Variants in PIK3C2G observed in about 807,000 individuals in gnomAD.
PIK3C2G encodes phosphatidylinositol 3-kinase C2 domain-containing subunit gamma.
A neutral mutation model predicts 181.1 loss-of-function variants in PIK3C2G; 168 were observed. The ratio of observed to expected loss-of-function variants is 0.93; its 90% CI spans 0.82 to 1.05. The LOEUF (loss-of-function observed/expected upper bound fraction) is 1.05. Ranked by LOEUF, PIK3C2G falls within the 50% of genes least tolerant of loss-of-function variation. The probability of loss-of-function intolerance (pLI) is 0.00; values close to 1 mark genes in which losing one functional copy is unlikely to be tolerated. For missense variants in PIK3C2G, 1,869 were observed against 1,732.8 expected (o/e 1.08, Z -1.40); for synonymous variants, 573 against 592.2 (o/e 0.97, Z 0.47).
upstream of PIK3C2G, among the ~76,000 whole-genome samples, chr12:18,258,395 T>G (rs932322397): frequency 1.3e-5 from 2 of 152,116 alleles, no homozygotes; most frequent in African/African-American, 4.8e-5. Flanking sequence ...TTAGTTCTCC[T>G]GTCTACCTGA....
chr12:18,546,178 A>G (rs1158781100), intron 25 of PIK3C2G, 145 bp from the exon 26 acceptor site: 4 of 586,008 alleles, frequency 6.8e-6, no homozygotes, highest in African/African-American at 5.6e-5. Context: ...GCACGAACTT[A>G]TATGCATTCG....
chr12:18,701,628 TC>T, the PIK3C2G span: 1 of 1,575,930 alleles, frequency 6.3e-7, no homozygotes. Flanking sequence ...CTCCTCCTCC[TC>T]CTCCTCCTCC....
At chr12:18,338,946 T>G (rs1938849078) in intron 9 of PIK3C2G, among the ~76,000 whole-genome samples, 1 of 152,152 alleles carries the variant, frequency 6.6e-6, no homozygotes, top group Admixed American at 6.5e-5. Context: ...TGTATACGAG[T>G]GTATACAGGC....
chr12:18,327,606 A>C (rs1338765130), intron 8 of PIK3C2G, among the ~76,000 whole-genome samples: 1 of 152,058 alleles, frequency 6.6e-6, no homozygotes, highest in Non-Finnish European at 1.5e-5. Flanking sequence ...GAGCTTTTTC[A>C]CTGGACATTT....
chr12:18,701,835 A>T, the PIK3C2G span: 39 of 1,545,614 alleles, frequency 2.5e-5, no homozygotes, highest in Non-Finnish European at 3.3e-5. Context: ...GCATTGTAAC[A>T]GTCACTGAAA....
At chr12:18,421,207 A>G (rs546865332) in intron 17 of PIK3C2G, among the ~76,000 whole-genome samples, 173 bp downstream of exon 17, 21 of 152,182 alleles carry the variant, frequency 1.4e-4, no homozygotes, top group African/African-American at 5.1e-4. Flanking sequence ...AATTGTTACA[A>G]TTACAAAATA....
chr12:18,262,934 T>C (rs1186191750), intron 1 of PIK3C2G, among the ~76,000 whole-genome samples: 3 of 152,204 alleles, frequency 2.0e-5, no homozygotes, highest in East Asian at 3.9e-4. Context: ...TGAAATGTTA[T>C]ACAGATAATC....
chr12:18,696,103 C>T, the PIK3C2G span: 1 of 1,029,588 alleles, frequency 9.7e-7, no homozygotes, highest in Non-Finnish European at 1.5e-6. Context: ...AAAATGAATT[C>T]ATTTTATGTT....
intron 6 of PIK3C2G, among the ~76,000 whole-genome samples, chr12:18,317,924 G>A (rs894033986): frequency 6.6e-6 from 1 of 152,228 alleles, no homozygotes; most frequent in Non-Finnish European, 1.5e-5. Context: ...GCTTAAGTCA[G>A]TGCCTGCACT....
intron 18 of PIK3C2G, among the ~76,000 whole-genome samples, chr12:18,469,163 T>A (rs544974721): frequency 2.0e-5 from 3 of 152,208 alleles, no homozygotes; most frequent in Admixed American, 2.0e-4. Context: ...CAGAGTTAAA[T>A]TTGCTTCCTA....
At chr12:18,677,545 C>G in the PIK3C2G span, among the ~76,000 whole-genome samples, 2 of 151,972 alleles carry the variant, frequency 1.3e-5, no homozygotes, top group Non-Finnish European at 2.9e-5. Flanking sequence ...AAAATGTCCC[C>G]TATGCTGTTT....
At chr12:18,661,162 G>T in the PIK3C2G span, among the ~76,000 whole-genome samples, 1 of 152,084 alleles carries the variant, frequency 6.6e-6, no homozygotes, top group African/African-American at 2.4e-5. Flanking sequence ...CAACCTGTAG[G>T]ATATTATGAA....
intron 1 of PIK3C2G, among the ~76,000 whole-genome samples, chr12:18,280,709 G>A (rs1041791346): frequency 1.1e-4 from 17 of 151,984 alleles, no homozygotes; most frequent in African/African-American, 3.6e-4. Flanking sequence ...GAGATATTTG[G>A]TTAGTGTCTT....
intron 8 of PIK3C2G, among the ~76,000 whole-genome samples, chr12:18,335,518 G>A (rs568995638): frequency 6.6e-6 from 1 of 152,114 alleles, no homozygotes; most frequent in East Asian, 1.9e-4. Context: ...CAGTCCAACA[G>A]TTGCTAGAGA....
intron 30 of PIK3C2G, among the ~76,000 whole-genome samples, chr12:18,599,485 C>G (rs1276657007): frequency 2.0e-5 from 3 of 149,238 alleles, no homozygotes; most frequent in African/African-American, 7.4e-5. Context: ...ACATCACACT[C>G]TGGGGACTGT....
the PIK3C2G span, among the ~76,000 whole-genome samples, chr12:18,674,472 T>C: frequency 1.3e-5 from 2 of 152,334 alleles, no homozygotes; most frequent in South Asian, 2.1e-4. Flanking sequence ...TTTCTCACTC[T>C]ATGAATTTTT....
chr12:18,696,321 A>T, the PIK3C2G span: 1 of 301,292 alleles, frequency 3.3e-6, no homozygotes. Flanking sequence ...TTAAAAAGCC[A>T]CTATATATAT....
At chr12:18,344,371 C>T (rs1939450510) in intron 10 of PIK3C2G, among the ~76,000 whole-genome samples, 1 of 152,086 alleles carries the variant, frequency 6.6e-6, no homozygotes, top group Non-Finnish European at 1.5e-5. Context: ...CCCCGTCTCA[C>T]ATCAAAAAGG....
intron 6 of PIK3C2G, 85 bp downstream of exon 6, chr12:18,314,149 G>A: frequency 3.7e-5 from 24 of 646,324 alleles, no homozygotes; most frequent in South Asian, 7.8e-5. Context: ...TTGCCAACTT[G>A]GAATTATATA....
Sources: gnomAD v4.1 joint callset for allele counts (sites outside exome capture counted in the v4.1 genomes callset) on GRCh38, gnomAD v4.1.1 for gene constraint, MANE v1.5 for transcripts, NCBI Gene and HGNC (gene_info 2026-07-23, HGNC 2026-07-21) for gene names.